ENTHD1: variants seen among roughly 807,000 people sequenced by gnomAD.
ENTHD1 encodes the protein ENTH domain-containing protein 1.
In ENTHD1, 23 loss-of-function variants were observed where a neutral mutation model predicts 39.1. That is an observed-to-expected ratio of 0.59 (90% confidence interval 0.42 to 0.83). ENTHD1 has a LOEUF of 0.83. Among genes scored for constraint, ENTHD1 ranks in the 40% least tolerant of loss-of-function variants. ENTHD1 has a pLI of 0.00. For missense variants in ENTHD1, 624 were observed against 705.4 expected (o/e 0.88, Z 1.31); for synonymous variants, 230 against 258.2 (o/e 0.89, Z 1.05).
At chr22:39,789,584 A>T (rs2065487884) in intron 5 of ENTHD1, among the ~76,000 whole-genome samples, 1 of 152,182 alleles carries the variant, frequency 6.6e-6, no homozygotes, top group South Asian at 2.1e-4. Context: ...TATATTTCTT[A>T]GGCAGTTTGT....
In ENTHD1 at chr22:39,867,662, G is replaced by T. The variant is rs371883707; in HGVS notation, c.350-5655C>A. Reference sequence around the variant, plus strand: ...AATGCCTTCAGGTAACGCGGTGGGGGTAGAAAGGGAGGGGAGAAGTATCTA... The same window carrying T: ...AATGCCTTCAGGTAACGCGGTGGGGTTAGAAAGGGAGGGGAGAAGTATCTA... On this transcript the variant is annotated intron_variant, in intron 2 of 6. Transcript: ENST00000325157. The surrounding 1 kb of genome is among the most constrained non-coding windows in gnomAD (Gnocchi z 4.5). Among the ~76,000 whole-genome samples, 12 of 152,178 alleles carry T rather than the reference G, an allele frequency of 7.9e-5. No homozygotes were observed. In the East Asian group the frequency reaches 1.9e-3, roughly 25 times the overall value.
In ENTHD1 at chr22:39,867,850, C is replaced by T. The variant is rs989103914; in HGVS notation, c.350-5843G>A. ...AGTAAGTTCATGCTTCAAAGTATCCCCCTGTTCTATTCCAAATACACAGCA... is the reference window on the plus strand; with the variant it reads ...AGTAAGTTCATGCTTCAAAGTATCCTCCTGTTCTATTCCAAATACACAGCA... On this transcript the variant is annotated intron_variant, in intron 2 of 6. Coordinates refer to ENST00000325157, the MANE Select transcript of ENTHD1 (RefSeq NM_152512.4). The surrounding 1 kb of genome is among the most constrained non-coding windows in gnomAD (Gnocchi z 4.5). Among the ~76,000 whole-genome samples, 1 of 152,048 alleles carries T rather than the reference C, an allele frequency of 6.6e-6. No homozygotes were observed. The highest frequency in any genetic ancestry group is 2.4e-5 in the African/African-American group (1 of 41,396).
intron 5 of ENTHD1, among the ~76,000 whole-genome samples, chr22:39,769,170 A>T (rs571995612): frequency 6.6e-6 from 1 of 152,136 alleles, no homozygotes; most frequent in Admixed American, 6.5e-5. Flanking sequence ...TACCAGTTCG[A>T]TTTCACAGTG....
At chr22:39,887,334 C>T (rs2066386579) in intron 2 of ENTHD1, 66 bp downstream of exon 2, 2 of 1,398,050 alleles carry the variant, frequency 1.4e-6, no homozygotes, top group Non-Finnish European at 2.0e-6. Context: ...ACCTCAGCCT[C>T]CCATGCACCA....
chr22:39,751,406 A>T (rs368539741), intron 6 of ENTHD1: 1 of 152,674 alleles, frequency 6.5e-6, no homozygotes, highest in African/African-American at 2.4e-5. Flanking sequence ...GCATACTGCA[A>T]TGTATTAGTG....
chr22:39,824,094 A>T (rs532492395), intron 4 of ENTHD1, among the ~76,000 whole-genome samples: 13 of 149,904 alleles, frequency 8.7e-5, no homozygotes, highest in African/African-American at 2.7e-4. Context: ...TCTGTAAATT[A>T]TCTTTCCATC....
chr22:39,839,683 T>C (rs2065930040), intron 3 of ENTHD1, among the ~76,000 whole-genome samples: 1 of 152,250 alleles, frequency 6.6e-6, no homozygotes. Flanking sequence ...TTAGATCATC[T>C]ATCTACTTTC....
chr22:39,751,499 A>G (rs914843336), intron 6 of ENTHD1, among the ~76,000 whole-genome samples: 1 of 152,234 alleles, frequency 6.6e-6, no homozygotes, highest in African/African-American at 2.4e-5. Flanking sequence ...ACTGATGATA[A>G]TTAGATGTAC....
Position 39,765,533 on chromosome 22 carries a change from G to T in ENTHD1, c.909C>A (p.Ile303=). Reference sequence around the variant, plus strand: ...GGTTTTCTGTGACAGTATTTGTAAAGATACCATCTGATCTCTTGTCCAAAC... The same window carrying T: ...GGTTTTCTGTGACAGTATTTGTAAATATACCATCTGATCTCTTGTCCAAAC... ...DVSLDKRSDG[I]FTNTVTENLL... is the part of the protein sequence containing the mutation. The change falls in exon 6 of 7, where the codon ATC becomes ATA. Residue 303 remains isoleucine (I), a synonymous_variant. Transcript: ENST00000325157. 2 of 1,613,800 alleles carry T rather than the reference G, an allele frequency of 1.2e-6. No homozygotes were observed. The highest frequency in any genetic ancestry group is 2.2e-5 in the East Asian group (1 of 44,868).
At chr22:39,847,906 AAGTGC>A (rs1443203585) in intron 3 of ENTHD1, among the ~76,000 whole-genome samples, 2 of 152,224 alleles carry the variant, frequency 1.3e-5, no homozygotes, top group Non-Finnish European at 2.9e-5. Flanking sequence ...CTGTAGTCAG[AAGTGC>A]AGGCAGGTTA....
At chr22:39,883,712 TAAG>T (rs1428211524) in intron 2 of ENTHD1, among the ~76,000 whole-genome samples, 1 of 151,726 alleles carries the variant, frequency 6.6e-6, no homozygotes, top group Non-Finnish European at 1.5e-5. Flanking sequence ...AAAATGAAAT[TAAG>T]AAGACAATTC....
intron 3 of ENTHD1, among the ~76,000 whole-genome samples, chr22:39,850,349 G>T (rs923956560): frequency 2.0e-5 from 3 of 151,986 alleles, no homozygotes; most frequent in African/African-American, 7.3e-5. Context: ...AGTCTCCTTT[G>T]CCTGTTATTA....
At chr22:39,746,324 T>C (rs2065104780) in intron 6 of ENTHD1, among the ~76,000 whole-genome samples, 1 of 152,134 alleles carries the variant, frequency 6.6e-6, no homozygotes, top group Non-Finnish European at 1.5e-5. Flanking sequence ...TTTTTTTTGG[T>C]TTTCAGAAAT....
chr22:39,847,560 C>T (rs1423848245), intron 3 of ENTHD1, among the ~76,000 whole-genome samples: 1 of 150,752 alleles, frequency 6.6e-6, no homozygotes, highest in Non-Finnish European at 1.5e-5. Context: ...AGCTGATTAG[C>T]AAACTTAAAA....
chr22:39,831,108 T>A (rs767493491), intron 4 of ENTHD1, among the ~76,000 whole-genome samples: 1 of 152,226 alleles, frequency 6.6e-6, no homozygotes, highest in Non-Finnish European at 1.5e-5. Flanking sequence ...TATGGATCCC[T>A]GCTTGAGATT....
chr22:39,875,951 G>T, intron 2 of ENTHD1: 2 of 1,613,950 alleles, frequency 1.2e-6, no homozygotes, highest in Admixed American at 3.3e-5. Flanking sequence ...CACTCATCTT[G>T]GTTGTGTACC....
At chr22:39,793,767 G>C (rs2065524395) in intron 5 of ENTHD1, among the ~76,000 whole-genome samples, 1 of 152,172 alleles carries the variant, frequency 6.6e-6, no homozygotes, top group Admixed American at 6.5e-5. Flanking sequence ...TCAGTTGGCT[G>C]TAAATACATG....
rs963502319 is a variant in ENTHD1 at position 39,867,233 on chromosome 22, A to G, written c.350-5226T>C. 2.0e-5 allele frequency among the ~76,000 whole-genome samples: 3 copies of G among 152,162 alleles called. No individual in the cohort carries two copies. The highest frequency in any genetic ancestry group is 7.2e-5 in the African/African-American group (3 of 41,442). On this transcript the variant is annotated intron_variant, in intron 2 of 6. Coordinates refer to ENST00000325157, the MANE Select transcript of ENTHD1 (RefSeq NM_152512.4). The surrounding 1 kb of genome is among the most constrained non-coding windows in gnomAD (Gnocchi z 4.5). ...AATCTATATACATTTACAGCTGACC[A>G]TCGTGTAAAGAGATTGCAAATATGG...
intron 5 of ENTHD1, among the ~76,000 whole-genome samples, chr22:39,814,249 A>C (rs2065715469): frequency 6.7e-6 from 1 of 150,258 alleles, no homozygotes; most frequent in African/African-American, 2.4e-5. Flanking sequence ...CTTTGAGTCC[A>C]GGAGTTCGAG....
Sources: allele counts gnomAD v4.1 joint callset (sites outside exome capture counted in the v4.1 genomes callset), GRCh38; gene constraint gnomAD v4.1.1; non-coding constraint Gnocchi (gnomAD v3.1); transcripts MANE v1.5; gene names NCBI Gene and HGNC (gene_info 2026-07-23, HGNC 2026-07-21).